FMN2: variants seen among roughly 807,000 people sequenced by gnomAD.
FMN2 encodes the protein formin-2.
Under a neutral mutation model 142.3 loss-of-function variants are expected in FMN2, and 51 were observed. The observed-to-expected ratio is 0.36, with a 90% CI of 0.29 to 0.45. The LOEUF (loss-of-function observed/expected upper bound fraction) is 0.45, where lower values mean the gene tolerates loss of function less well. Among genes scored for constraint, FMN2 ranks in the 20% least tolerant of loss-of-function variants. The pLI is 1.00. For synonymous variants in FMN2, 882 were observed against 869.8 expected (o/e 1.01, Z -0.25); for missense variants, 1,936 against 2,122.8 (o/e 0.91, Z 1.73).
intron 16 of FMN2, among the ~76,000 whole-genome samples, chr1:240,462,803 G>A (rs924716846): frequency 2.6e-5 from 4 of 152,010 alleles, no homozygotes; most frequent in Non-Finnish European, 4.4e-5. Context: ...GTGAAAATCT[G>A]GGGGGGAAAG....
At chr1:240,339,690 A>G (rs1671684478) in intron 13 of FMN2, among the ~76,000 whole-genome samples, 1 of 152,044 alleles carries the variant, frequency 6.6e-6, no homozygotes. Context: ...ATGATAAATA[A>G]TGTTTATCTT....
At chr1:240,233,210 G>A (rs550646229) in intron 6 of FMN2, among the ~76,000 whole-genome samples, 3 of 151,914 alleles carry the variant, frequency 2.0e-5, no homozygotes, top group African/African-American at 7.2e-5. Flanking sequence ...GTGAAACCCC[G>A]TCTTTACTAA....
At chr1:240,099,658 T>C (rs1267052773) in intron 1 of FMN2, among the ~76,000 whole-genome samples, 3 of 152,190 alleles carry the variant, frequency 2.0e-5, no homozygotes, top group Admixed American at 1.3e-4. Context: ...GTCTTGCAGC[T>C]TTACCCTCTT....
At chr1:240,391,692 A>C (rs994976245) in intron 14 of FMN2, among the ~76,000 whole-genome samples, 1 of 152,182 alleles carries the variant, frequency 6.6e-6, no homozygotes, top group African/African-American at 2.4e-5. Flanking sequence ...AGATAGGCTA[A>C]AAATATCAGA....
Position 240,329,182 on chromosome 1 carries a change from T to C in FMN2, c.4307+15T>C. On this transcript the variant is annotated intron_variant, in intron 9 of 17. Coordinates refer to ENST00000319653, the MANE Select transcript of FMN2 (RefSeq NM_020066.5). ...AAACCTGAACAGTAAGCATGTCTTA[T>C]AACCACGTAGAGGGCGTCCAGGCTA... 6.2e-7 allele frequency: 1 copy of C among 1,613,884 alleles called. No individual in the cohort carries two copies. The highest frequency in any genetic ancestry group is 1.1e-5 in the South Asian group (1 of 91,016).
At chr1:240,287,320 T>C (rs1669624169) in intron 7 of FMN2, among the ~76,000 whole-genome samples, 2 of 152,176 alleles carry the variant, frequency 1.3e-5, no homozygotes, top group Admixed American at 1.3e-4. Context: ...AACAAAGGTC[T>C]TTGCTTCTCA....
intron 2 of FMN2, among the ~76,000 whole-genome samples, chr1:240,140,958 A>C (rs1053585786): frequency 6.6e-6 from 1 of 152,208 alleles, no homozygotes; most frequent in African/African-American, 2.4e-5. Flanking sequence ...AATAGCTTTG[A>C]CAGAGCCAGA....
chr1:240,397,745 G>T (rs1283421737), intron 15 of FMN2, among the ~76,000 whole-genome samples: 1 of 128,888 alleles, frequency 7.8e-6, no homozygotes, highest in African/African-American at 3.0e-5. Flanking sequence ...AGCCAAGATC[G>T]CACTGCTGCA....
At chr1:240,360,698 A>G (rs994211258) in intron 14 of FMN2, among the ~76,000 whole-genome samples, 1 of 152,204 alleles carries the variant, frequency 6.6e-6, no homozygotes, top group Non-Finnish European at 1.5e-5. Flanking sequence ...ACTATTCACA[A>G]TAGTAAAGAC....
At chr1:240,222,407 T>C (rs1572085101) in intron 6 of FMN2, among the ~76,000 whole-genome samples, 1 of 152,174 alleles carries the variant, frequency 6.6e-6, no homozygotes, top group African/African-American at 2.4e-5. Context: ...GTAGTAGAGT[T>C]TGAAGTCAGG....
intron 8 of FMN2, among the ~76,000 whole-genome samples, chr1:240,308,146 G>A (rs904605549): frequency 1.3e-5 from 2 of 152,200 alleles, no homozygotes; most frequent in African/African-American, 2.4e-5. Context: ...TGCGGGAGAT[G>A]AGGAAGAGAA....
chr1:240,215,088 C>T (rs1666843714), intron 6 of FMN2, among the ~76,000 whole-genome samples: 1 of 151,996 alleles, frequency 6.6e-6, no homozygotes, highest in Admixed American at 6.6e-5. Flanking sequence ...AATTCATCCG[C>T]ACTCATTAGC....
At chr1:240,117,118 AAG>A (rs1481874375) in intron 1 of FMN2, among the ~76,000 whole-genome samples, 1 of 152,204 alleles carries the variant, frequency 6.6e-6, no homozygotes, top group Non-Finnish European at 1.5e-5. Context: ...ACACAAGGGA[AAG>A]AACTTGCTCT....
chr1:240,328,947 C>A, intron 8 of FMN2, 129 bp from the exon 9 acceptor site: 1 of 802,646 alleles, frequency 1.2e-6, no homozygotes, highest in Non-Finnish European at 2.0e-6. Flanking sequence ...TATACAGATG[C>A]TAAGAAACAT....
chr1:240,339,600 AATT>A (rs1671680560), intron 13 of FMN2, among the ~76,000 whole-genome samples: 1 of 152,156 alleles, frequency 6.6e-6, no homozygotes, highest in Admixed American at 6.5e-5. Flanking sequence ...TATATTTTAA[AATT>A]AATATCTGTT....
intron 6 of FMN2, among the ~76,000 whole-genome samples, chr1:240,238,333 A>C (rs933809157): frequency 3.3e-5 from 5 of 152,190 alleles, no homozygotes; most frequent in African/African-American, 1.2e-4. Context: ...TATGTTTAAC[A>C]TTGTGTATCC....
chr1:240,389,742 C>T lies in FMN2; in HGVS notation c.4859-2769C>T, dbSNP rs531767685. On this transcript the variant is annotated intron_variant, in intron 14 of 17. Transcript: ENST00000319653. ...CGAGACGGAAGGATTGCTTGAGCCT[C>T]GGAGTCTGAGACCACCCTGGGCAAC... Among the ~76,000 whole-genome samples, 3 of 152,148 alleles carry T rather than the reference C, an allele frequency of 2.0e-5. No individual in the cohort carries two copies. In the South Asian group the frequency reaches 6.2e-4, roughly 32 times the overall value.
At chr1:240,295,204 A>ACG (rs1264818335) in intron 8 of FMN2, among the ~76,000 whole-genome samples, 1 of 136,620 alleles carries the variant, frequency 7.3e-6, no homozygotes, top group Non-Finnish European at 1.6e-5. Flanking sequence ...ACACACACAC[A>ACG]CACACACACA....
intron 6 of FMN2, among the ~76,000 whole-genome samples, chr1:240,243,130 G>T (rs57084916): frequency 6.8e-6 from 1 of 146,376 alleles, no homozygotes; most frequent in South Asian, 2.2e-4. Context: ...GGAGTAGACC[G>T]AAAAAAAAAA....
Sources: gnomAD v4.1 joint callset for allele counts (sites outside exome capture counted in the v4.1 genomes callset) on GRCh38, gnomAD v4.1.1 for gene constraint, MANE v1.5 for transcripts, NCBI Gene and HGNC (gene_info 2026-07-23, HGNC 2026-07-21) for gene names.